ZNF644: variants seen among roughly 807,000 people sequenced by gnomAD.
ZNF644 encodes zinc finger protein 644.
A neutral mutation model predicts 108.0 loss-of-function variants in ZNF644; 20 were observed. The ratio of observed to expected loss-of-function variants is 0.19; its 90% CI spans 0.13 to 0.27. ZNF644 has a LOEUF of 0.27. Ranked by LOEUF, ZNF644 falls within the 10% of genes least tolerant of loss-of-function variation. The pLI is 1.00. For synonymous variants in ZNF644, 542 were observed against 539.1 expected, an observed-to-expected ratio of 1.01 and a Z score of -0.08; for missense variants, 1,338 against 1,548.9, an observed-to-expected ratio of 0.86 and a Z score of 2.29.
At chr1:90,922,141 A>G (rs1272425783) in intron 4 of ZNF644, among the ~76,000 whole-genome samples, 1 of 152,188 alleles carries the variant, frequency 6.6e-6, no homozygotes, top group Non-Finnish European at 1.5e-5. Flanking sequence ...GAGATTTCAT[A>G]AAAACATCTG....
Position 90,960,665 on chromosome 1 carries a change from C to A in ZNF644, c.45-19356G>T, listed in dbSNP as rs570953931. On this transcript the variant is annotated intron_variant, in intron 2 of 5. Coordinates refer to ENST00000337393, the MANE Select transcript of ZNF644 (RefSeq NM_201269.3). ...TCCACTTCCTTAGACCCTCTCCAAACTACTCAACCAAAGCCCAAATCCTGT... is the reference window on the plus strand; with the variant it reads ...TCCACTTCCTTAGACCCTCTCCAAAATACTCAACCAAAGCCCAAATCCTGT... 2.6e-5 allele frequency among the ~76,000 whole-genome samples: 4 copies of A among 152,232 alleles called. No individual in the cohort carries two copies. The East Asian group carries it at 7.7e-4, about 29-fold the overall frequency.
chr1:91,011,543 C>T (rs536256851), intron 1 of ZNF644, among the ~76,000 whole-genome samples: 24 of 152,024 alleles, frequency 1.6e-4, no homozygotes, highest in Non-Finnish European at 2.9e-4. Flanking sequence ...TCAGTATTTA[C>T]GAAAAATAAT....
intron 2 of ZNF644, among the ~76,000 whole-genome samples, chr1:90,960,934 CA>C (rs1029690628): frequency 1.6e-4 from 24 of 152,030 alleles, no homozygotes; most frequent in Admixed American, 1.6e-3. Context: ...AAGAATCATC[CA>C]AAAGTGAGGG....
At chr1:90,929,916 A>G (rs1352130239) in intron 4 of ZNF644, among the ~76,000 whole-genome samples, 4 of 152,268 alleles carry the variant, frequency 2.6e-5, no homozygotes, top group African/African-American at 9.6e-5. Flanking sequence ...CCTCATCAGA[A>G]AAGTCAAATA....
intron 1 of ZNF644, among the ~76,000 whole-genome samples, chr1:90,993,052 T>G (rs893034992): frequency 4.6e-5 from 7 of 151,648 alleles, no homozygotes; most frequent in African/African-American, 1.5e-4. Context: ...TCTTAAAAAA[T>G]AAAAAGAAAA....
chr1:90,963,396 A>G (rs1315008515), intron 2 of ZNF644, among the ~76,000 whole-genome samples: 1 of 152,168 alleles, frequency 6.6e-6, no homozygotes, highest in Non-Finnish European at 1.5e-5. Flanking sequence ...TGATTGATAC[A>G]ACCATTTTGA....
intron 4 of ZNF644, among the ~76,000 whole-genome samples, chr1:90,934,812 G>A (rs1305090826): frequency 6.6e-6 from 1 of 152,138 alleles, no homozygotes; most frequent in Non-Finnish European, 1.5e-5. Flanking sequence ...ATAGACTAAT[G>A]AAAATTCATT....
At chr1:91,020,363 A>C (rs1011648177) in intron 1 of ZNF644, 1 of 152,220 alleles carries the variant, frequency 6.6e-6, no homozygotes, top group South Asian at 2.1e-4. Context: ...AATTCTGTTA[A>C]TTGCCAACAC....
chr1:90,980,152 T>G (rs768385279), intron 2 of ZNF644, among the ~76,000 whole-genome samples: 3 of 152,188 alleles, frequency 2.0e-5, no homozygotes, highest in Admixed American at 6.5e-5. Flanking sequence ...AGCACTGTGC[T>G]AAGATAAACG....
chr1:91,005,227 C>A lies in ZNF644; in HGVS notation c.-18+16763G>T, dbSNP rs150624394. Among the ~76,000 whole-genome samples, 45 of 152,174 alleles carry A rather than the reference C, an allele frequency of 3.0e-4. 1 individual carries two copies. In the East Asian group the frequency reaches 6.8e-3, roughly 23 times the overall value. ...CAACAGACATTAAGACAAAAAATTGCTACTACAGAGAATGTTTTGTAACAA... is the reference window on the plus strand; with the variant it reads ...CAACAGACATTAAGACAAAAAATTGATACTACAGAGAATGTTTTGTAACAA... On this transcript the variant is annotated intron_variant, in intron 1 of 5. Transcript: ENST00000337393.
At position 90,916,730 on chromosome 1, in the gene ZNF644, T is replaced by C. The variant is rs1188713026; in HGVS notation, c.*68A>G. On this transcript the variant is annotated 3_prime_UTR_variant, in exon 6 of 6. Coordinates refer to ENST00000337393, the MANE Select transcript of ZNF644 (RefSeq NM_201269.3). ...GTATTTATAAACAGATAATTTAATG[T>C]GGCTTAAAAAAAAAGAATTTCAAAT... The C allele has an allele frequency of 3.2e-6, 5 of 1,552,546 alleles. No individual in the cohort carries two copies. In the African/African-American group the frequency reaches 5.4e-5, roughly 17 times the overall value.
intron 1 of ZNF644, among the ~76,000 whole-genome samples, chr1:90,999,537 G>C (rs572299998): frequency 6.6e-6 from 1 of 152,268 alleles, no homozygotes; most frequent in Non-Finnish European, 1.5e-5. Flanking sequence ...CCTGAAGGAA[G>C]CACTAAACAT....
chr1:90,941,748 GAAC>G (rs747624718), intron 2 of ZNF644, among the ~76,000 whole-genome samples: 11 of 152,074 alleles, frequency 7.2e-5, no homozygotes, highest in Non-Finnish European at 1.6e-4. Flanking sequence ...CTATTCTAGA[GAAC>G]AATATAAATT....
At chr1:90,955,133 G>A (rs1023369722) in intron 2 of ZNF644, among the ~76,000 whole-genome samples, 5 of 152,176 alleles carry the variant, frequency 3.3e-5, no homozygotes, top group Non-Finnish European at 7.3e-5. Context: ...AGCATATTTC[G>A]AAAAGGAGTC....
chr1:90,925,860 A>C (rs1557547050), intron 4 of ZNF644, among the ~76,000 whole-genome samples: 1 of 152,166 alleles, frequency 6.6e-6, no homozygotes, highest in Non-Finnish European at 1.5e-5. Flanking sequence ...TTGAGAAATA[A>C]AAATAAAATT....
In ZNF644 at chr1:90,999,078, T is replaced by G. The variant is rs145809677; in HGVS notation, c.-17-16708A>C. Among the ~76,000 whole-genome samples, 487 of 152,222 alleles carry G rather than the reference T, an allele frequency of 3.2e-3. 2 individuals are homozygous for G. The highest frequency in any genetic ancestry group is 0.011 in the African/African-American group (448 of 41,538). On this transcript the variant is annotated intron_variant, in intron 1 of 5. Coordinates refer to ENST00000337393, the MANE Select transcript of ZNF644 (RefSeq NM_201269.3). The stretch of plus-strand genomic sequence containing the variant: ...AAATCTACGCCTGATTGGTGTACCT[T>G]AAAGTGACAAGAAGAATGAAACCAA...
intron 1 of ZNF644, among the ~76,000 whole-genome samples, chr1:91,006,034 C>T (rs1016697415): frequency 3.3e-5 from 5 of 151,936 alleles, no homozygotes; most frequent in African/African-American, 1.2e-4. Context: ...TAGATCACTA[C>T]AGTGAGGAAT....
At chr1:91,009,162 A>G (rs1196488353) in intron 1 of ZNF644, among the ~76,000 whole-genome samples, 1 of 152,176 alleles carries the variant, frequency 6.6e-6, no homozygotes, top group East Asian at 1.9e-4. Context: ...ACTTAGTGCC[A>G]GCAGAGAACT....
At chr1:90,957,693 GTT>G (rs577026834) in intron 2 of ZNF644, among the ~76,000 whole-genome samples, 1,838 of 152,224 alleles carry the variant, frequency 0.012, 21 homozygotes, top group Non-Finnish European at 0.02. Flanking sequence ...TGAGAGACAA[GTT>G]TTTCCCCTAA....
Sources: allele counts gnomAD v4.1 joint callset (sites outside exome capture counted in the v4.1 genomes callset), GRCh38; gene constraint gnomAD v4.1.1; transcripts MANE v1.5; gene names NCBI Gene and HGNC (gene_info 2026-07-23, HGNC 2026-07-21).